The following PEAK1 variants were observed in gnomAD, a reference collection of about 807,000 sequenced individuals.
PEAK1 encodes inactive tyrosine-protein kinase PEAK1.
PEAK1 carries 54 observed loss-of-function variants against 124.7 expected under a neutral mutation model. That is an observed-to-expected ratio of 0.43 (90% confidence interval 0.35 to 0.54). The LOEUF is 0.54. Ranked by LOEUF, PEAK1 falls within the 20% of genes least tolerant of loss-of-function variation. The pLI, the probability that PEAK1 is intolerant of heterozygous loss-of-function variation, is 0.01. For synonymous variants in PEAK1, 719 were observed against 760.0 expected (o/e 0.95, Z 0.89); for missense variants, 2,046 against 2,134.5 (o/e 0.96, Z 0.82).
intron 5 of PEAK1, among the ~76,000 whole-genome samples, chr15:77,255,823 A>G (rs1288169666): frequency 6.6e-6 from 1 of 152,240 alleles, no homozygotes; most frequent in Non-Finnish European, 1.5e-5. Context: ...GATAGATATT[A>G]GATAACAAAT....
In PEAK1 at chr15:77,293,550, C is replaced by T. The variant is rs193252217; in HGVS notation, c.-602-7046G>A. 1.5e-3 allele frequency among the ~76,000 whole-genome samples: 222 copies of T among 152,316 alleles called. 1 individual carries two copies. The highest frequency in any genetic ancestry group is 4.7e-3 in the African/African-American group (197 of 41,570). ...ACCTTAAAGCTTCTGCCAATGCTAC[C>T]TCCTCTTTGAAGCCCCTCCAACGCT... is the stretch of plus-strand genomic sequence containing the variant. On this transcript the variant is annotated intron_variant, in intron 2 of 9. Transcript: ENST00000682557.
chr15:77,126,603 C>CAG (rs2052396864), intron 9 of PEAK1, among the ~76,000 whole-genome samples: 2 of 152,086 alleles, frequency 1.3e-5, no homozygotes, highest in African/African-American at 4.8e-5. Flanking sequence ...TTTATATGTA[C>CAG]TTTACAGTTT....
At chr15:77,263,111 G>C (rs1015261097) in intron 5 of PEAK1, among the ~76,000 whole-genome samples, 1 of 152,188 alleles carries the variant, frequency 6.6e-6, no homozygotes, top group Non-Finnish European at 1.5e-5. Flanking sequence ...GCAGTGCGTA[G>C]AGGGAAATTT....
At chr15:77,310,188 G>A (rs2064352980) in intron 2 of PEAK1, among the ~76,000 whole-genome samples, 1 of 152,092 alleles carries the variant, frequency 6.6e-6, no homozygotes, top group South Asian at 2.1e-4. Flanking sequence ...TTGAGCCTAC[G>A]ACTTTGTGAT....
Position 77,113,806 on chromosome 15 carries a change from G to T in PEAK1, c.*350C>A. 3.8e-6 allele frequency: 1 copy of T among 261,876 alleles called. No homozygotes were observed. The highest frequency in any genetic ancestry group is 7.3e-6 in the Non-Finnish European group (1 of 136,846). The allele number at this position is 261,876 out of a possible 1,614,324, so 16.2% of individuals were successfully genotyped here. On this transcript the variant is annotated 3_prime_UTR_variant, in exon 10 of 10. Transcript: ENST00000682557. ...AAGATAGGTGATATCCAGAATTATG[G>T]AGGAAATGGACACAGCTCACTGGCT...
intron 2 of PEAK1, among the ~76,000 whole-genome samples, chr15:77,315,976 G>T: frequency 6.6e-6 from 1 of 152,022 alleles, no homozygotes; most frequent in Admixed American, 6.6e-5. Flanking sequence ...TTTATTTATT[G>T]TAACAAATGC....
chr15:77,223,185 C>T (rs2059466047), intron 6 of PEAK1, among the ~76,000 whole-genome samples: 1 of 151,910 alleles, frequency 6.6e-6, no homozygotes, highest in Non-Finnish European at 1.5e-5. Flanking sequence ...AATGCATTTC[C>T]CTCATTTGAT....
intron 2 of PEAK1, chr15:77,335,949 A>T (rs1458144997): frequency 5.0e-5 from 49 of 985,308 alleles, no homozygotes; most frequent in Non-Finnish European, 5.8e-5. Context: ...TTTCTGGGAA[A>T]TCTTTTACCA....
intron 1 of PEAK1, among the ~76,000 whole-genome samples, chr15:77,413,667 G>A (rs557991102): frequency 2.6e-5 from 4 of 152,208 alleles, no homozygotes; most frequent in African/African-American, 9.6e-5. Context: ...ATAACAGAAT[G>A]GAAAAAGAAT....
At chr15:77,215,115 C>A (rs185600734) in intron 6 of PEAK1, among the ~76,000 whole-genome samples, 2 of 152,272 alleles carry the variant, frequency 1.3e-5, no homozygotes, top group East Asian at 3.9e-4. Flanking sequence ...CACTTGGTAT[C>A]GTTGGTCTTT....
At position 77,133,198 on chromosome 15, in the gene PEAK1, G is replaced by T. The variant is rs569082631; in HGVS notation, c.3884C>A (p.Thr1295Lys). ...EVVGKIRSLH[T>K]DALKKLAVKC... ...AACAGCCAGTTTCTTCAAGGCATCT[G>T]TATGAAGGCTTCGGATTTTACCCAC... The change falls in exon 9 of 10, where the codon ACA (threonine) becomes AAA (lysine). Residue 1295 changes from threonine to lysine, a missense_variant. Transcript: ENST00000682557. This position sits in a 1 kb window ranked among gnomAD's most constrained non-coding sequence, Gnocchi z 4.2. 6.2e-7 allele frequency: 1 copy of T among 1,614,180 alleles called. No homozygotes were observed. The highest frequency in any genetic ancestry group is 8.5e-7 in the Non-Finnish European group (1 of 1,180,028).
intron 2 of PEAK1, among the ~76,000 whole-genome samples, chr15:77,292,762 GAAT>G (rs1263202230): frequency 6.6e-6 from 1 of 152,104 alleles, no homozygotes; most frequent in East Asian, 1.9e-4. Flanking sequence ...CGCAGTTAGT[GAAT>G]AATAAGGATT....
chr15:77,252,092 C>G (rs1483125666), intron 6 of PEAK1, among the ~76,000 whole-genome samples: 1 of 152,242 alleles, frequency 6.6e-6, no homozygotes, highest in Non-Finnish European at 1.5e-5. Flanking sequence ...TAGGGCTCAC[C>G]TGCCCTGCAT....
At chr15:77,250,158 T>G (rs2060782732) in intron 6 of PEAK1, among the ~76,000 whole-genome samples, 2 of 141,860 alleles carry the variant, frequency 1.4e-5, no homozygotes, top group Admixed American at 1.4e-4. Flanking sequence ...TATATATACA[T>G]ATATATACAT....
At chr15:77,275,078 CAT>C (rs991880545) in intron 5 of PEAK1, among the ~76,000 whole-genome samples, 40 of 152,216 alleles carry the variant, frequency 2.6e-4, no homozygotes, top group African/African-American at 9.4e-4. Flanking sequence ...GAAAACCAAA[CAT>C]AGTATGTTCT....
intron 6 of PEAK1, among the ~76,000 whole-genome samples, chr15:77,198,674 G>T (rs1344577820): frequency 6.6e-6 from 1 of 152,134 alleles, no homozygotes. Flanking sequence ...TATAAGAAAG[G>T]TATACTTAGA....
chr15:77,266,693 G>A (rs370287115), intron 5 of PEAK1, among the ~76,000 whole-genome samples: 1 of 152,156 alleles, frequency 6.6e-6, no homozygotes. Context: ...TTACAAGGGA[G>A]GAAAAATGGT....
chr15:77,402,580 T>C (rs984062892), intron 1 of PEAK1: 1 of 978,884 alleles, frequency 1.0e-6, no homozygotes, highest in Non-Finnish European at 1.2e-6. Context: ...CATCAAATAA[T>C]GAAAGATATG....
At chr15:77,189,354 C>G (rs565420172) in intron 6 of PEAK1, among the ~76,000 whole-genome samples, 2 of 152,218 alleles carry the variant, frequency 1.3e-5, no homozygotes, top group Admixed American at 1.3e-4. Context: ...CATGCATGCA[C>G]GTATGCATGC....
Sources: allele counts gnomAD v4.1 joint callset (sites outside exome capture counted in the v4.1 genomes callset), GRCh38; gene constraint gnomAD v4.1.1; non-coding constraint Gnocchi (gnomAD v3.1); transcripts MANE v1.5; gene names NCBI Gene and HGNC (gene_info 2026-07-23, HGNC 2026-07-21).